NIPSNAP2: variants seen among roughly 807,000 people sequenced by gnomAD.
NIPSNAP2 encodes nipsnap homolog 2, also known as protein NipSnap homolog 2.
In NIPSNAP2, 42 loss-of-function variants were observed where a neutral mutation model predicts 48.4. The observed-to-expected ratio is 0.87, with a 90% CI of 0.68 to 1.12. The LOEUF is 1.12. NIPSNAP2 is among the 50% of genes most tolerant of loss of function. The probability of loss-of-function intolerance (pLI) is 0.00; values close to 1 mark genes in which losing one functional copy is unlikely to be tolerated. For missense variants in NIPSNAP2, 314 were observed against 347.3 expected (o/e 0.90, Z 0.76); for synonymous variants, 158 against 126.6 (o/e 1.25, Z -1.67).
At chr7:55,979,636 C>A in intron 3 of NIPSNAP2, 1 of 367,058 alleles carries the variant, frequency 2.7e-6, no homozygotes. Context: ...CCTTTCTGGG[C>A]TCCAAGCTAT....
At chr7:55,991,892 T>A in intron 7 of NIPSNAP2, 1 of 228,958 alleles carries the variant, frequency 4.4e-6, no homozygotes, top group Non-Finnish European at 9.0e-6. Flanking sequence ...AAGGCAAGTA[T>A]GTTTTGTTTG....
chr7:55,993,353 G>A (rs1787488672), intron 7 of NIPSNAP2, among the ~76,000 whole-genome samples: 1 of 151,368 alleles, frequency 6.6e-6, no homozygotes, highest in Admixed American at 6.6e-5. Context: ...CCAGCAGTTT[G>A]GGAGGCCGAA....
chr7:55,984,952 G>A (rs2116358183), intron 7 of NIPSNAP2, 74 bp downstream of exon 7: 13 of 1,225,224 alleles, frequency 1.1e-5, no homozygotes, highest in East Asian at 7.1e-5. Flanking sequence ...TTAATTCTAG[G>A]GAAAAAAATC....
intron 1 of NIPSNAP2, among the ~76,000 whole-genome samples, chr7:55,971,943 T>G (rs1787022039): frequency 6.6e-6 from 1 of 152,170 alleles, no homozygotes. Context: ...ATTCCTAAGC[T>G]TTTACAATTT....
chr7:55,995,987 A>G (rs971625557), intron 8 of NIPSNAP2, among the ~76,000 whole-genome samples: 2 of 152,288 alleles, frequency 1.3e-5, no homozygotes, highest in Middle Eastern at 3.4e-3. Context: ...TCAAAAAAAA[A>G]TGTAATTAAC....
intron 7 of NIPSNAP2, among the ~76,000 whole-genome samples, chr7:55,991,000 A>G (rs376585481): frequency 6.6e-4 from 100 of 152,222 alleles, no homozygotes; most frequent in African/African-American, 2.3e-3. Context: ...CATGTTGGCC[A>G]GGCTGATCTC....
At chr7:55,973,542 T>C (rs1161436307) in intron 1 of NIPSNAP2, among the ~76,000 whole-genome samples, 1 of 152,114 alleles carries the variant, frequency 6.6e-6, no homozygotes, top group Non-Finnish European at 1.5e-5. Context: ...GTGGCACGAC[T>C]TGGCTCACTG....
intron 7 of NIPSNAP2, among the ~76,000 whole-genome samples, chr7:55,988,878 A>G (rs4948097): frequency 0.71 from 108,184 of 151,508 alleles, 39,010 homozygotes; most frequent in Non-Finnish European, 0.76. Context: ...AAAAAGAAAA[A>G]AAAAATTACA....
intron 5 of NIPSNAP2, among the ~76,000 whole-genome samples, chr7:55,983,082 C>T (rs567453528): frequency 2.5e-4 from 38 of 152,178 alleles, no homozygotes; most frequent in East Asian, 1.4e-3. Flanking sequence ...GAGACTACAC[C>T]GCTGCACTAC....
At position 55,983,759 on chromosome 7, in the gene NIPSNAP2, A is replaced by T. The variant is rs1156929471; in HGVS notation, c.476A>T (p.Asp159Val). The change falls in exon 6 of 10, where the codon GAC becomes GTC. Residue 159 changes from aspartate (D) to valine (V), a missense_variant. Physicochemically the swap from Asp to Val is radical, Grantham distance 152 (BLOSUM62 -3). Transcript: ENST00000322090. ...EFLEFRKARSDMLLSRKNQLL... is the reference protein window; with the variant it reads ...EFLEFRKARSVMLLSRKNQLL... ...TTGGAATTTCGTAAGGCAAGAAGTG[A>T]CATGCTTCTCTCCAGGAAGAATCAG... 1.9e-6 allele frequency: 3 copies of T among 1,614,138 alleles called. No individual in the cohort carries two copies. Among genetic ancestry groups the T allele is most frequent in the South Asian group, 2.2e-5 (2 of 91,078 alleles).
chr7:55,982,348 TTTC>T, intron 5 of NIPSNAP2, 68 bp downstream of exon 5: 1 of 949,852 alleles, frequency 1.1e-6, no homozygotes, highest in Non-Finnish European at 1.6e-6. Context: ...TTAAATGACT[TTTC>T]TGTCTTCAGT....
intron 9 of NIPSNAP2, among the ~76,000 whole-genome samples, chr7:55,998,188 C>T (rs1487669559): frequency 6.6e-6 from 1 of 151,622 alleles, no homozygotes; most frequent in Non-Finnish European, 1.5e-5. Flanking sequence ...TCGCTTGAAC[C>T]TGGGAGGTGG....
At chr7:55,967,126 C>A (rs1489744773) in intron 1 of NIPSNAP2, among the ~76,000 whole-genome samples, 1 of 152,268 alleles carries the variant, frequency 6.6e-6, no homozygotes, top group Non-Finnish European at 1.5e-5. Flanking sequence ...TTCCCAGCCG[C>A]TTCCTGGACA....
intron 7 of NIPSNAP2, among the ~76,000 whole-genome samples, chr7:55,987,000 A>AC (rs1231311516): frequency 2.0e-5 from 3 of 149,528 alleles, no homozygotes; most frequent in East Asian, 2.0e-4. Flanking sequence ...AAAAAAAAAA[A>AC]AAAAAAAAAA....
intron 7 of NIPSNAP2, among the ~76,000 whole-genome samples, chr7:55,989,950 CAA>C (rs34909004): frequency 1.9e-3 from 220 of 118,832 alleles, no homozygotes; most frequent in Middle Eastern, 4.9e-3. Flanking sequence ...ACTAAAAATC[CAA>C]AAAAAAAAAA....
chr7:55,998,493 GTTTTT>G (rs1164855630), intron 9 of NIPSNAP2, among the ~76,000 whole-genome samples: 11 of 63,186 alleles, frequency 1.7e-4, no homozygotes, highest in African/African-American at 5.1e-4. Flanking sequence ...GGTAGGATCT[GTTTTT>G]TTTTTTTTTT....
intron 1 of NIPSNAP2, among the ~76,000 whole-genome samples, chr7:55,975,201 A>G (rs1423929361): frequency 6.6e-6 from 1 of 152,038 alleles, no homozygotes; most frequent in Non-Finnish European, 1.5e-5. Context: ...GAAAATACAA[A>G]AATTAACCAG....
In NIPSNAP2 at chr7:55,999,212, T is replaced by C. The variant is rs186197614; in HGVS notation, c.*140T>C. The C allele has an allele frequency of 1.6e-5, 11 of 678,988 alleles. No homozygotes were observed. In the Admixed American group the frequency reaches 3.1e-4, roughly 19 times the overall value. 42.1% of individuals were successfully genotyped at this position (678,988 alleles called of 1,614,324 possible). A position where few individuals can be genotyped will look rare whatever the true frequency, so the allele number is the denominator to read the frequency against. ...TAGCTTGTGAGAAACCTCTTTTCTT[T>C]AAAATTTACATAATCACAAGAAAGG... On this transcript the variant is annotated 3_prime_UTR_variant, in exon 10 of 10. Transcript: ENST00000322090.
Position 55,981,552 on chromosome 7 carries a change from G to A in NIPSNAP2, c.358G>A (p.Glu120Lys), listed in dbSNP as rs1297222985. ...GGGGACTTGGAACACGTGGTATGGC[G>A]AGCAGGACCAAGCTGGTAGGAAGCG... ...LVGTWNTWYG[E>K]QDQAVHLWRY... The change falls in exon 4 of 10, where the codon GAG becomes AAG. Residue 120 changes from glutamate to lysine, a missense_variant. Glu to Lys is a moderately conservative substitution (Grantham distance 56, BLOSUM62 1). Around this residue, in one of 2 missense-constraint regions of NIPSNAP2, gnomAD observed 198 missense variants for 185.5 expected, o/e 1.07. Transcript: ENST00000322090. The A allele has an allele frequency of 4.3e-6, 7 of 1,613,302 alleles. No individual in the cohort carries two copies. Among genetic ancestry groups the A allele is most frequent in the East Asian group, 2.2e-5 (1 of 44,866 alleles).
Sources: gnomAD v4.1 joint callset for allele counts (sites outside exome capture counted in the v4.1 genomes callset) on GRCh38, gnomAD v4.1.1 for gene constraint, gnomAD v4.1.1 regional missense constraint, MANE v1.5 for transcripts, NCBI Gene and HGNC (gene_info 2026-07-23, HGNC 2026-07-21) for gene names.